The following NAP1L4 variants were observed in gnomAD, a reference collection of about 807,000 sequenced individuals.
NAP1L4 encodes the protein nucleosome assembly protein 1 like 4.
In NAP1L4, 15 loss-of-function variants were observed where a neutral mutation model predicts 58.2. That is an observed-to-expected ratio of 0.26 (90% CI 0.17 to 0.40). The LOEUF (loss-of-function observed/expected upper bound fraction) is 0.40. Among genes scored for constraint, NAP1L4 ranks in the 10% least tolerant of loss-of-function variants. The probability of loss-of-function intolerance (pLI) is 1.00; values close to 1 mark genes in which losing one functional copy is unlikely to be tolerated. For synonymous variants in NAP1L4, 171 were observed against 155.6 expected (o/e 1.10, Z -0.74); for missense variants, 384 against 451.1 (o/e 0.85, Z 1.35).
Position 2,979,180 on chromosome 11 carries a change from C to T in NAP1L4, c.14+27G>A, listed in dbSNP as rs775147963. The T allele has an allele frequency of 4.4e-6, 7 of 1,606,408 alleles. No individual in the cohort carries two copies. In the East Asian group the frequency reaches 1.6e-4, roughly 36 times the overall value. ...TGCTCACCAACTGAATTTTAAACTCCAATAAACAAAGTCCACTTTGGCTTA... is the reference window on the plus strand; with the variant it reads ...TGCTCACCAACTGAATTTTAAACTCTAATAAACAAAGTCCACTTTGGCTTA... On this transcript the variant is annotated intron_variant, in intron 2 of 15. Coordinates refer to ENST00000380542, the MANE Select transcript of NAP1L4 (RefSeq NM_005969.4).
At position 2,955,826 on chromosome 11, in the gene NAP1L4, G is replaced by A; in HGVS notation, c.893-60C>T. On this transcript the variant is annotated intron_variant, in intron 10 of 15. Transcript: ENST00000380542. This position sits in a 1 kb window ranked among gnomAD's most constrained non-coding sequence, Gnocchi z 4.2. Reference sequence around the variant, plus strand: ...CAGTGACAACTCCCAGAATTTTAAAGCCCACACAGGAGGAAGCTGTGCTGG... The same window carrying A: ...CAGTGACAACTCCCAGAATTTTAAAACCCACACAGGAGGAAGCTGTGCTGG... 2 of 1,486,644 alleles carry A rather than the reference G, an allele frequency of 1.3e-6. No homozygotes were observed. The highest frequency in any genetic ancestry group is 1.9e-6 in the Non-Finnish European group (2 of 1,069,972). 92.1% of individuals were successfully genotyped at this position (1,486,644 alleles called of 1,614,324 possible).
In NAP1L4 at chr11:2,971,969, C is replaced by A. The variant is rs1847663021; in HGVS notation, c.315+133G>T. Reference sequence around the variant, plus strand: ...GCGTTCTGAGCTTGTTTAAGGTAGTCTAGACTAAGCTATGTTTGGCAGGTT... The same window carrying A: ...GCGTTCTGAGCTTGTTTAAGGTAGTATAGACTAAGCTATGTTTGGCAGGTT... On this transcript the variant is annotated intron_variant, in intron 5 of 15. Coordinates refer to ENST00000380542, the MANE Select transcript of NAP1L4 (RefSeq NM_005969.4). This position sits in a 1 kb window ranked among gnomAD's most constrained non-coding sequence, Gnocchi z 4.2. 7 of 924,444 alleles carry A rather than the reference C, an allele frequency of 7.6e-6. No homozygotes were observed. The South Asian group carries it at 1.6e-4, about 21-fold the overall frequency. The allele number at this position is 924,444 out of a possible 1,614,324, so 57.3% of individuals were successfully genotyped here. A position where few individuals can be genotyped will look rare whatever the true frequency, so the allele number is the denominator to read the frequency against.
chr11:2,960,049 C>T (rs1846773070), intron 8 of NAP1L4, 140 bp from the exon 9 acceptor site: 1 of 849,094 alleles, frequency 1.2e-6, no homozygotes, highest in Admixed American at 2.9e-5. Context: ...AACTTCTCCA[C>T]CGCAAAAAAG....
chr11:2,949,435 C>G lies in NAP1L4; in HGVS notation c.1123-171G>C, dbSNP rs1382222500. Among the ~76,000 whole-genome samples, 1 of 152,194 alleles carries G rather than the reference C, an allele frequency of 6.6e-6. No homozygotes were observed. Among genetic ancestry groups the G allele is most frequent in the African/African-American group, 2.4e-5 (1 of 41,446 alleles). On this transcript the variant is annotated intron_variant, in intron 14 of 15. Transcript: ENST00000380542. The surrounding 1 kb of genome is among the most constrained non-coding windows in gnomAD (Gnocchi z 4.0). ...ATCATACTTTCAAAATGGGCAGAAG[C>G]ATGATTTTCACTTCTATCAGACTGC...
In NAP1L4 at chr11:2,951,920, TC is replaced by T; in HGVS notation, c.1036-112del. 9.4e-7 allele frequency: 1 copy of T among 1,064,856 alleles called. No individual in the cohort carries two copies. The highest frequency in any genetic ancestry group is 1.4e-6 in the Non-Finnish European group (1 of 692,098). The allele number at this position is 1,064,856 out of a possible 1,614,324, so 66.0% of individuals were successfully genotyped here. A position where few individuals can be genotyped will look rare whatever the true frequency, so the allele number is the denominator to read the frequency against. ...GACCAAGCCTAAGAGGAGCAGAAAG[TC>T]CAGCCACGCTGCCTGCTGGGCCTCG... On this transcript the variant is annotated intron_variant, in intron 12 of 15. Coordinates refer to ENST00000380542, the MANE Select transcript of NAP1L4 (RefSeq NM_005969.4). This position sits in a 1 kb window ranked among gnomAD's most constrained non-coding sequence, Gnocchi z 4.0.
At chr11:2,945,982 C>T (rs1845921637) in intron 15 of NAP1L4, among the ~76,000 whole-genome samples, 1 of 152,220 alleles carries the variant, frequency 6.6e-6, no homozygotes, top group Admixed American at 6.5e-5. Flanking sequence ...CCTGCCCACA[C>T]AGAGCACAGT....
At chr11:2,981,419 A>C (rs60681816) in intron 1 of NAP1L4, among the ~76,000 whole-genome samples, 16,329 of 62,726 alleles carry the variant, frequency 0.26, 751 homozygotes, top group African/African-American at 0.39. Context: ...ACCCTGTCTC[A>C]AAAAAAAAAA....
chr11:2,980,443 A>G (rs1848236319), intron 1 of NAP1L4, among the ~76,000 whole-genome samples: 2 of 152,290 alleles, frequency 1.3e-5, no homozygotes, highest in South Asian at 4.1e-4. Flanking sequence ...ACCTCAGCCT[A>G]CCAAAGTGTT....
intron 3 of NAP1L4, among the ~76,000 whole-genome samples, chr11:2,977,749 G>A (rs1437356508): frequency 2.0e-5 from 3 of 151,866 alleles, no homozygotes; most frequent in Non-Finnish European, 4.4e-5. Context: ...GGAGGGAGTG[G>A]GGAGTACAGA....
chr11:2,964,640 C>G, intron 8 of NAP1L4, 40 bp downstream of exon 8: 1 of 1,544,870 alleles, frequency 6.5e-7, no homozygotes, highest in Non-Finnish European at 8.9e-7. Context: ...TGTGGACTGA[C>G]CCTGTCTGAT....
chr11:2,960,454 T>C (rs1846813850), intron 8 of NAP1L4, among the ~76,000 whole-genome samples: 1 of 152,082 alleles, frequency 6.6e-6, no homozygotes, highest in Admixed American at 6.5e-5. Flanking sequence ...CAAAGCACGC[T>C]ACAGACCTGG....
In NAP1L4 at chr11:2,958,343, T is replaced by C; in HGVS notation, c.892+56A>G. 7.6e-6 allele frequency: 12 copies of C among 1,585,926 alleles called. 1 individual carries two copies. The South Asian group carries it at 1.2e-4, about 16-fold the overall frequency. Reference sequence around the variant, plus strand: ...CTCTGGGTGTTAGGAATCTATCAGGTGACCAAAATTATTTTATATAAGAAC... The same window carrying C: ...CTCTGGGTGTTAGGAATCTATCAGGCGACCAAAATTATTTTATATAAGAAC... On this transcript the variant is annotated intron_variant, in intron 10 of 15. Coordinates refer to ENST00000380542, the MANE Select transcript of NAP1L4 (RefSeq NM_005969.4).
rs144674618 is a variant in NAP1L4 at position 2,948,474 on chromosome 11, G to A, written c.*32+753C>T. Among the ~76,000 whole-genome samples, 55 of 152,300 alleles carry A rather than the reference G, an allele frequency of 3.6e-4. 1 individual carries two copies. The East Asian group carries it at 0.01, about 28-fold the overall frequency. Reference sequence around the variant, plus strand: ...CCACTACATCCCGAGTGCCACGAGTGAACAGGTCTCGTCACGGGCAAGAGC... The same window carrying A: ...CCACTACATCCCGAGTGCCACGAGTAAACAGGTCTCGTCACGGGCAAGAGC... On this transcript the variant is annotated intron_variant, in intron 15 of 15. Coordinates refer to ENST00000380542, the MANE Select transcript of NAP1L4 (RefSeq NM_005969.4). This position sits in a 1 kb window ranked among gnomAD's most constrained non-coding sequence, Gnocchi z 5.1.
chr11:2,983,766 A>C (rs190586282), intron 1 of NAP1L4: 24 of 152,278 alleles, frequency 1.6e-4, no homozygotes, highest in African/African-American at 5.5e-4. Flanking sequence ...GATCACCTGA[A>C]GCTCAGGAGT....
rs1846198029 is a variant in NAP1L4 at position 2,951,073 on chromosome 11, A to G, written c.1122+186T>C. The G allele has an allele frequency of 4.7e-6, 3 of 643,540 alleles. No individual in the cohort carries two copies. Among genetic ancestry groups the G allele is most frequent in the Non-Finnish European group, 8.3e-6 (3 of 362,950 alleles). The allele number at this position is 643,540 out of a possible 1,614,324, so 39.9% of individuals were successfully genotyped here. On this transcript the variant is annotated intron_variant, in intron 14 of 15. Coordinates refer to ENST00000380542, the MANE Select transcript of NAP1L4 (RefSeq NM_005969.4). This position sits in a 1 kb window ranked among gnomAD's most constrained non-coding sequence, Gnocchi z 4.0. The stretch of plus-strand genomic sequence containing the variant: ...GGAAAAGCTTCTACTGAGTATGTAC[A>G]CTCAACACTCAAATTATAGACACAG...
chr11:2,957,259 G>T lies in NAP1L4; in HGVS notation c.892+1140C>A, dbSNP rs181855915. Among the ~76,000 whole-genome samples the T allele has an allele frequency of 2.7e-4, 41 of 152,236 alleles. 1 individual carries two copies. The highest frequency in any genetic ancestry group is 3.4e-3 in the Middle Eastern group (1 of 294). Reference sequence around the variant, plus strand: ...GTATGCCCAACCCAAGTGTCTAAAAGGAATCTTCCAAAAAAAGGAAATGTA... The same window carrying T: ...GTATGCCCAACCCAAGTGTCTAAAATGAATCTTCCAAAAAAAGGAAATGTA... On this transcript the variant is annotated intron_variant, in intron 10 of 15. Coordinates refer to ENST00000380542, the MANE Select transcript of NAP1L4 (RefSeq NM_005969.4).
chr11:2,960,626 G>A (rs1049679127), intron 8 of NAP1L4, among the ~76,000 whole-genome samples: 4 of 152,098 alleles, frequency 2.6e-5, no homozygotes, highest in African/African-American at 9.7e-5. Flanking sequence ...ATGTAGACCC[G>A]GCCAGGATTT....
intron 12 of NAP1L4, among the ~76,000 whole-genome samples, chr11:2,953,739 T>C (rs867833549): frequency 9.8e-5 from 15 of 152,350 alleles, no homozygotes; most frequent in African/African-American, 3.1e-4. Context: ...TGTTGGCCTT[T>C]ACTGCCACAG....
At chr11:2,989,788 A>C (rs191328287) in intron 1 of NAP1L4, 35 of 152,372 alleles carry the variant, frequency 2.3e-4, no homozygotes, top group African/African-American at 7.7e-4. Context: ...ATTCAAATTC[A>C]TACTGTAAAG....
Sources: gnomAD v4.1 joint callset for allele counts (sites outside exome capture counted in the v4.1 genomes callset) on GRCh38, gnomAD v4.1.1 for gene constraint, Gnocchi (gnomAD v3.1) non-coding constraint, MANE v1.5 for transcripts, NCBI Gene and HGNC (gene_info 2026-07-23, HGNC 2026-07-21) for gene names.